The following NT5DC3 variants were observed in gnomAD, a reference collection of about 807,000 sequenced individuals.
NT5DC3 encodes the protein 5'-nucleotidase domain-containing protein 3.
Under a neutral mutation model 67.8 loss-of-function variants are expected in NT5DC3, and 42 were observed. The observed-to-expected ratio is 0.62, with a 90% confidence interval of 0.48 to 0.80. The LOEUF (loss-of-function observed/expected upper bound fraction) is 0.80. NT5DC3 is among the 30% of genes least tolerant of loss of function. The probability of loss-of-function intolerance (pLI) is 0.00; values close to 1 mark genes in which losing one functional copy is unlikely to be tolerated. For synonymous variants in NT5DC3, 237 were observed against 255.6 expected, an observed-to-expected ratio of 0.93 and a Z score of 0.69; for missense variants, 570 against 696.4, an observed-to-expected ratio of 0.82 and a Z score of 2.04.
rs1272078240 is a variant in NT5DC3 at position 103,778,031 on chromosome 12, G to A, written c.1445C>T (p.Thr482Ile). 1 of 1,614,232 alleles carries A rather than the reference G, an allele frequency of 6.2e-7. No homozygotes were observed. The highest frequency in any genetic ancestry group is 1.1e-5 in the South Asian group (1 of 91,086). Residue 482 changes from threonine (T) to isoleucine (I), a missense_variant, in exon 14 of 14, where the codon ACA (threonine) becomes ATA (isoleucine). Physicochemically the swap from Thr to Ile is moderately conservative, Grantham distance 89. Coordinates refer to ENST00000392876, the MANE Select transcript of NT5DC3 (RefSeq NM_001031701.3). Reference protein sequence around the residue: ...FNAQFGSLFRTDQNPTYFLRR... With the variant: ...FNAQFGSLFRIDQNPTYFLRR... ...TAGGAAGTAGGTTGGGTTCTGGTCT[G>A]TGCGGAACAGGCTTCCAAACTGGGC...
At chr12:103,787,588 T>C (rs559192755) in intron 10 of NT5DC3, 61 bp from the exon 11 acceptor site, 2 of 938,794 alleles carry the variant, frequency 2.1e-6, no homozygotes, top group South Asian at 1.8e-5. Flanking sequence ...TAACCCACAG[T>C]ACAAAATATA....
downstream of NT5DC3, chr12:103,771,011 C>T (rs531480173): frequency 6.6e-6 from 1 of 152,516 alleles, no homozygotes; most frequent in South Asian, 2.1e-4. Flanking sequence ...CTGCCGGCAC[C>T]TTGATCTTGG....
chr12:103,766,174 G>T, downstream of NT5DC3: 2 of 1,378,700 alleles, frequency 1.5e-6, no homozygotes, highest in Middle Eastern at 1.8e-4. Flanking sequence ...CAGCACATAC[G>T]TGTTCACAGT....
At chr12:103,746,962 T>C in the NT5DC3 span, among the ~76,000 whole-genome samples, 6 of 149,776 alleles carry the variant, frequency 4.0e-5, no homozygotes, top group Admixed American at 4.0e-4. Flanking sequence ...TTTTTTTTTT[T>C]TTTTTTTTTC....
chr12:103,755,416 C>G, the NT5DC3 span: 1 of 1,614,144 alleles, frequency 6.2e-7, no homozygotes, highest in East Asian at 2.2e-5. Flanking sequence ...GGACTATGGA[C>G]CTAGACCCAA....
intron 2 of NT5DC3, among the ~76,000 whole-genome samples, chr12:103,812,366 C>T (rs1887068924): frequency 6.6e-6 from 1 of 152,182 alleles, no homozygotes; most frequent in African/African-American, 2.4e-5. Flanking sequence ...GCATAACTGA[C>T]TCTACTAATA....
In NT5DC3 at chr12:103,793,458, T is replaced by C; in HGVS notation, c.869A>G (p.Asp290Gly). The part of the protein sequence containing the change: ...QTRAVLAKLA[D>G]HGKKMFLITN... ...GATGAGAAACATCTTCTTGCCATGA[T>C]CAGCCAGTTTGGCCAACACTGCGCG... Residue 290 changes from aspartate (D) to glycine (G), a missense_variant, in exon 8 of 14, where the codon GAT becomes GGT. This residue lies in a region of NT5DC3 where 466 missense variants were observed against 608.0 expected (regional missense o/e 0.77). Transcript: ENST00000392876. 1 of 1,614,220 alleles carries C rather than the reference T, an allele frequency of 6.2e-7. No individual in the cohort carries two copies. Among genetic ancestry groups the C allele is most frequent in the Non-Finnish European group, 8.5e-7 (1 of 1,180,028 alleles).
the NT5DC3 span, chr12:103,750,870 C>A: frequency 9.1e-7 from 1 of 1,101,242 alleles, no homozygotes; most frequent in Non-Finnish European, 1.2e-6. Flanking sequence ...GCAGATGGAT[C>A]ACTTGAGGTC....
downstream of NT5DC3, chr12:103,765,889 G>A (rs11111755): frequency 0.33 from 117,861 of 355,140 alleles, 21,554 homozygotes; most frequent in East Asian, 0.6. Context: ...AGCCACCACT[G>A]GTTCAAGATG....
At chr12:103,778,165 T>A in intron 13 of NT5DC3, 84 bp from the exon 14 acceptor site, 18 of 722,854 alleles carry the variant, frequency 2.5e-5, no homozygotes, top group South Asian at 4.5e-5. Context: ...AATCACTTCT[T>A]TTTTTAAAAA....
rs1221622563 is a variant in NT5DC3, at chr12:103,783,850, T to C, written c.1329+1485A>G. On this transcript the variant is annotated intron_variant, in intron 12 of 13. Transcript: ENST00000392876. The stretch of plus-strand genomic sequence containing the variant: ...ATATACTGATACCATCTACGTGCAG[T>C]TGTGTTTGTACCTATGACCAGCTGC... 3.3e-5 allele frequency among the ~76,000 whole-genome samples: 5 copies of C among 151,016 alleles called. No homozygotes were observed. In the East Asian group the frequency reaches 9.7e-4, roughly 29 times the overall value.
At chr12:103,755,039 T>G in the NT5DC3 span, 1 of 440,644 alleles carries the variant, frequency 2.3e-6, no homozygotes, top group East Asian at 3.6e-5. Flanking sequence ...GACAGCAAAT[T>G]CTTTCTCAAG....
At chr12:103,783,011 A>C (rs754990356) in intron 12 of NT5DC3, among the ~76,000 whole-genome samples, 103 of 152,282 alleles carry the variant, frequency 6.8e-4, no homozygotes, top group Non-Finnish European at 1.3e-3. Flanking sequence ...AACAAACAAA[A>C]AAATGACACT....
chr12:103,797,706 T>C (rs779501821), intron 5 of NT5DC3, among the ~76,000 whole-genome samples: 1 of 152,144 alleles, frequency 6.6e-6, no homozygotes, highest in Non-Finnish European at 1.5e-5. Flanking sequence ...TTAAAACTCA[T>C]GTAATTCTCC....
intron 1 of NT5DC3, among the ~76,000 whole-genome samples, chr12:103,826,902 C>G (rs1009677517): frequency 1.3e-5 from 2 of 152,166 alleles, no homozygotes; most frequent in Non-Finnish European, 2.9e-5. Context: ...TCATAAAAAG[C>G]ATGTGATTTA....
chr12:103,767,023 C>CA (rs928870875), downstream of NT5DC3: 13 of 151,830 alleles, frequency 8.6e-5, no homozygotes, highest in Non-Finnish European at 1.5e-4. Flanking sequence ...AACAGTTTGG[C>CA]AAAAAAATAA....
At chr12:103,817,768 T>C (rs1433550165) in intron 1 of NT5DC3, among the ~76,000 whole-genome samples, 3 of 151,946 alleles carry the variant, frequency 2.0e-5, no homozygotes, top group Non-Finnish European at 4.4e-5. Context: ...AGAATCTATG[T>C]TCTTAACTCC....
intron 4 of NT5DC3, among the ~76,000 whole-genome samples, chr12:103,805,749 G>A (rs1229652043): frequency 4.7e-5 from 7 of 150,490 alleles, no homozygotes; most frequent in African/African-American, 1.7e-4. Context: ...GGGAGGCTGA[G>A]GCAGGAGAAT....
chr12:103,841,106 T>G lies in NT5DC3; in HGVS notation c.51A>C (p.Ala17=). ...AVVARGAGAR[A]ATAAALRGGC... is the part of the protein sequence containing the mutation. Reference sequence around the variant, plus strand: ...CACCCCGCAAAGCCGCCGCTGTCGCTGCCCTCGCCCCGGCCCCGCGTGCCA... The same window carrying G: ...CACCCCGCAAAGCCGCCGCTGTCGCGGCCCTCGCCCCGGCCCCGCGTGCCA... The change falls in exon 1 of 14, where the codon GCA becomes GCC. Residue 17 remains alanine, a synonymous_variant. Coordinates refer to ENST00000392876, the MANE Select transcript of NT5DC3 (RefSeq NM_001031701.3). 1 of 1,129,148 alleles carries G rather than the reference T, an allele frequency of 8.9e-7. No homozygotes were observed. Among genetic ancestry groups the G allele is most frequent in the East Asian group, 3.3e-5 (1 of 30,316 alleles). 69.9% of individuals were successfully genotyped at this position (1,129,148 alleles called of 1,614,324 possible). A position where few individuals can be genotyped will look rare whatever the true frequency, so the allele number is the denominator to read the frequency against.
Sources: gnomAD v4.1 joint callset for allele counts (sites outside exome capture counted in the v4.1 genomes callset) on GRCh38, gnomAD v4.1.1 for gene constraint, gnomAD v4.1.1 regional missense constraint, MANE v1.5 for transcripts, NCBI Gene and HGNC (gene_info 2026-07-23, HGNC 2026-07-21) for gene names.